The following ENTREP2 variants were observed in gnomAD, a reference collection of about 807,000 sequenced individuals.
ENTREP2 encodes endosomal transmembrane epsin interactor 2, also known as protein ENTREP2.
the ENTREP2 span, among the ~76,000 whole-genome samples, chr15:29,530,635 T>C: frequency 6.6e-6 from 1 of 152,236 alleles, no homozygotes; most frequent in Non-Finnish European, 1.5e-5. Flanking sequence ...GCTGCCGTCA[T>C]GTCTGTGGTG....
the ENTREP2 span, among the ~76,000 whole-genome samples, chr15:29,644,025 T>C: frequency 6.6e-6 from 1 of 152,034 alleles, no homozygotes; most frequent in Non-Finnish European, 1.5e-5. Context: ...ATCCAAAAAG[T>C]GGAAACAACC....
chr15:29,627,703 C>T, the ENTREP2 span, among the ~76,000 whole-genome samples: 5 of 152,078 alleles, frequency 3.3e-5, no homozygotes, highest in African/African-American at 7.2e-5. Flanking sequence ...TATACATTTG[C>T]CAGTCCTAGG....
the ENTREP2 span, among the ~76,000 whole-genome samples, chr15:29,549,414 C>T: frequency 6.6e-6 from 1 of 151,958 alleles, no homozygotes; most frequent in Non-Finnish European, 1.5e-5. Context: ...GGACTACAGG[C>T]GCCCACCACC....
chr15:29,666,751 T>C, the ENTREP2 span, among the ~76,000 whole-genome samples: 1 of 152,168 alleles, frequency 6.6e-6, no homozygotes, highest in African/African-American at 2.4e-5. Context: ...TGGCCTTCCT[T>C]GACACTGTAG....
the ENTREP2 span, among the ~76,000 whole-genome samples, chr15:29,390,139 A>C: frequency 6.6e-6 from 1 of 152,168 alleles, no homozygotes; most frequent in African/African-American, 2.4e-5. Context: ...AGCAGCTCAG[A>C]GCCTCTGCTC....
chr15:29,490,503 T>C, the ENTREP2 span, among the ~76,000 whole-genome samples: 2 of 152,172 alleles, frequency 1.3e-5, no homozygotes, highest in African/African-American at 4.8e-5. Context: ...AGCTGACTGG[T>C]CCATTTTACA....
chr15:29,216,993 A>G, the ENTREP2 span, among the ~76,000 whole-genome samples: 3 of 152,198 alleles, frequency 2.0e-5, no homozygotes, highest in African/African-American at 4.8e-5. Flanking sequence ...TTTAACTTTT[A>G]TATCTTGGTT....
At chr15:29,415,756 G>A in the ENTREP2 span, among the ~76,000 whole-genome samples, 2 of 152,122 alleles carry the variant, frequency 1.3e-5, no homozygotes, top group South Asian at 2.1e-4. Context: ...AAACCCCGTC[G>A]TCTCAGCCCA....
the ENTREP2 span, among the ~76,000 whole-genome samples, chr15:29,562,377 ACT>A: frequency 1.3e-5 from 2 of 152,208 alleles, no homozygotes; most frequent in East Asian, 3.8e-4. Context: ...GAGAATATAC[ACT>A]GAGTTTTTTA....
the ENTREP2 span, among the ~76,000 whole-genome samples, chr15:29,209,713 G>C: frequency 3.3e-5 from 5 of 152,170 alleles, no homozygotes; most frequent in African/African-American, 1.2e-4. Flanking sequence ...CTCACACAGG[G>C]AAAAGGTGGG....
the ENTREP2 span, among the ~76,000 whole-genome samples, chr15:29,382,261 C>CAAA: frequency 3.0e-5 from 4 of 134,898 alleles, no homozygotes; most frequent in African/African-American, 1.1e-4. Flanking sequence ...GACTCCATCT[C>CAAA]AAAAAAAAAA....
chr15:29,440,546 G>A, the ENTREP2 span, among the ~76,000 whole-genome samples: 1 of 152,102 alleles, frequency 6.6e-6, no homozygotes, highest in Admixed American at 6.5e-5. Context: ...CATCTTACTG[G>A]AGAAAACCGC....
At chr15:29,136,925 C>A in the ENTREP2 span, 1 of 964,832 alleles carries the variant, frequency 1.0e-6, no homozygotes, top group South Asian at 2.2e-5. Context: ...TTCCACTGCC[C>A]CTCCTCTGTT....
the ENTREP2 span, among the ~76,000 whole-genome samples, chr15:29,392,735 A>C: frequency 6.6e-6 from 1 of 152,212 alleles, no homozygotes; most frequent in Non-Finnish European, 1.5e-5. Context: ...TGTAGCTAAT[A>C]TCTCTTCAGA....
chr15:29,334,717 C>T, the ENTREP2 span, among the ~76,000 whole-genome samples: 3 of 152,284 alleles, frequency 2.0e-5, no homozygotes, highest in South Asian at 2.1e-4. Context: ...CTGTGACTTG[C>T]GTGATCCAGC....
the ENTREP2 span, among the ~76,000 whole-genome samples, chr15:29,494,103 A>C: frequency 6.6e-6 from 1 of 152,220 alleles, no homozygotes; most frequent in Non-Finnish European, 1.5e-5. Flanking sequence ...AGGATCGAAA[A>C]GAGACAATAT....
the ENTREP2 span, among the ~76,000 whole-genome samples, chr15:29,278,523 G>C: frequency 6.6e-6 from 1 of 152,216 alleles, no homozygotes. Context: ...CCCCCTGTGA[G>C]GCCTGGGCTC....
At chr15:29,312,490 T>C in the ENTREP2 span, among the ~76,000 whole-genome samples, 1 of 152,234 alleles carries the variant, frequency 6.6e-6, no homozygotes, top group Admixed American at 6.5e-5. Context: ...AGTAAGTCTA[T>C]GAGCAACATT....
chr15:29,626,734 A>G, the ENTREP2 span, among the ~76,000 whole-genome samples: 1 of 152,158 alleles, frequency 6.6e-6, no homozygotes, highest in African/African-American at 2.4e-5. Flanking sequence ...CTTGTTCCAT[A>G]TCTTACAAGA....
Sources: gnomAD v4.1 joint callset for allele counts (sites outside exome capture counted in the v4.1 genomes callset) on GRCh38, gnomAD v4.1.1 for gene constraint, MANE v1.5 for transcripts, NCBI Gene and HGNC (gene_info 2026-07-23, HGNC 2026-07-21) for gene names.